The following NBEA variants were observed in gnomAD, a reference collection of about 807,000 sequenced individuals.
The protein encoded by NBEA is neurobeachin.
A neutral mutation model predicts 343.4 loss-of-function variants in NBEA; 44 were observed. The observed-to-expected ratio is 0.13, with a 90% CI of 0.10 to 0.16. The LOEUF (loss-of-function observed/expected upper bound fraction) is 0.16, where lower values mean the gene tolerates loss of function less well. Among genes scored for constraint, NBEA ranks in the 10% least tolerant of loss-of-function variants. The probability of loss-of-function intolerance (pLI) is 1.00; values close to 1 mark genes in which losing one functional copy is unlikely to be tolerated. For synonymous variants in NBEA, 1,175 were observed against 1,238.7 expected, an observed-to-expected ratio of 0.95 and a Z score of 1.08; for missense variants, 2,555 against 3,631.3, an observed-to-expected ratio of 0.70 and a Z score of 7.62.
At chr13:35,228,862 TGA>T (rs2074815400) in intron 33 of NBEA, among the ~76,000 whole-genome samples, 1 of 152,100 alleles carries the variant, frequency 6.6e-6, no homozygotes, top group Admixed American at 6.6e-5. Flanking sequence ...AAACCACACT[TGA>T]TAAAGTCTGT....
chr13:35,566,897 T>G lies in NBEA; in HGVS notation c.6923-8T>G. The G allele has an allele frequency of 6.6e-7, 1 of 1,507,112 alleles. No individual in the cohort carries two copies. The highest frequency in any genetic ancestry group is 9.1e-7 in the Non-Finnish European group (1 of 1,100,210). 93.4% of individuals were successfully genotyped at this position (1,507,112 alleles called of 1,614,324 possible). ...GTACAAATTTTTATTTCTGTTTTTC[T>G]TTACTAGGACGGACATATAATGATC... On this transcript the variant is annotated splice_polypyrimidine_tract_variant and splice_region_variant and intron_variant, in intron 44 of 58. Transcript: ENST00000379939.
chr13:34,970,779 T>C (rs2059973070), intron 1 of NBEA, among the ~76,000 whole-genome samples: 2 of 152,088 alleles, frequency 1.3e-5, no homozygotes. Context: ...TTAATGTAGC[T>C]CTGTATTATA....
intron 38 of NBEA, among the ~76,000 whole-genome samples, chr13:35,370,720 A>G (rs534261985): frequency 2.0e-5 from 3 of 152,106 alleles, no homozygotes; most frequent in South Asian, 4.1e-4. Context: ...AGTGGATTTT[A>G]TACTTTCAGG....
chr13:35,118,873 C>T (rs615554), intron 16 of NBEA, among the ~76,000 whole-genome samples: 145,473 of 151,284 alleles, frequency 0.96, 70,194 homozygotes, highest in East Asian at 1. Context: ...TGGTTTTTTT[C>T]TTTCAGCTGG....
At chr13:35,166,787 A>G (rs1200520419) in intron 24 of NBEA, among the ~76,000 whole-genome samples, 1 of 152,076 alleles carries the variant, frequency 6.6e-6, no homozygotes, top group Non-Finnish European at 1.5e-5. Context: ...GCAGAGGGAA[A>G]AAGTTGGGAA....
At chr13:35,534,641 T>C (rs1180558562) in intron 41 of NBEA, among the ~76,000 whole-genome samples, 2 of 152,194 alleles carry the variant, frequency 1.3e-5, no homozygotes, top group Non-Finnish European at 2.9e-5. Context: ...ATAAGAACTT[T>C]ACATACCGTA....
At chr13:34,955,702 T>G (rs1345003906) in intron 1 of NBEA, among the ~76,000 whole-genome samples, 1 of 152,230 alleles carries the variant, frequency 6.6e-6, no homozygotes, top group Admixed American at 6.5e-5. Flanking sequence ...AGAAATCATT[T>G]TTTTTTAAAA....
intron 34 of NBEA, among the ~76,000 whole-genome samples, chr13:35,239,222 G>A (rs2075373612): frequency 1.3e-5 from 2 of 152,170 alleles, no homozygotes; most frequent in South Asian, 4.2e-4. Flanking sequence ...AAAACTAGGT[G>A]ACAGGTATCT....
rs1594422102 is a variant in NBEA at position 35,381,593 on chromosome 13, G to A, written c.6179+29270G>A. ...TTTAAAATAAAGTATGAGAGCAATA[G>A]TAGTTGAAGATAAGACTGCAACTCT... On this transcript the variant is annotated intron_variant, in intron 38 of 58. Transcript: ENST00000379939. Among the ~76,000 whole-genome samples the A allele has an allele frequency of 4.6e-5, 7 of 152,066 alleles. No homozygotes were observed. In the South Asian group the frequency reaches 1.2e-3, roughly 27 times the overall value.
chr13:35,193,406 A>C (rs940367897), intron 30 of NBEA, among the ~76,000 whole-genome samples: 1 of 151,908 alleles, frequency 6.6e-6, no homozygotes, highest in Non-Finnish European at 1.5e-5. Flanking sequence ...TGTAGACTAA[A>C]AGTGATTCAA....
At chr13:35,096,730 TA>T (rs1388581540) in intron 10 of NBEA, among the ~76,000 whole-genome samples, 1 of 151,902 alleles carries the variant, frequency 6.6e-6, no homozygotes, top group Non-Finnish European at 1.5e-5. Flanking sequence ...TTATTCTTTT[TA>T]AATATCTAGG....
chr13:35,229,556 C>T (rs974295380), intron 33 of NBEA, among the ~76,000 whole-genome samples: 1 of 152,048 alleles, frequency 6.6e-6, no homozygotes, highest in Non-Finnish European at 1.5e-5. Flanking sequence ...GGGCTTTTCT[C>T]ACATTAACAT....
At chr13:35,004,170 A>G (rs1302327809) in intron 1 of NBEA, among the ~76,000 whole-genome samples, 1 of 152,088 alleles carries the variant, frequency 6.6e-6, no homozygotes, top group Non-Finnish European at 1.5e-5. Flanking sequence ...TTCTTTATCC[A>G]GTATATTATT....
intron 36 of NBEA, among the ~76,000 whole-genome samples, chr13:35,312,295 A>T (rs139108112): frequency 3.3e-4 from 50 of 152,290 alleles, no homozygotes; most frequent in African/African-American, 1.1e-3. Flanking sequence ...TCAAAAGAGT[A>T]CTTACCCAAA....
chr13:35,024,277 T>C (rs2061942805), intron 1 of NBEA, among the ~76,000 whole-genome samples: 1 of 152,176 alleles, frequency 6.6e-6, no homozygotes, highest in African/African-American at 2.4e-5. Flanking sequence ...CCTTTGCTAT[T>C]GTGAATAGTG....
In NBEA at chr13:35,533,102, G is replaced by A. The variant is rs190988856; in HGVS notation, c.6586-17375G>A. Among the ~76,000 whole-genome samples, 4 of 152,136 alleles carry A rather than the reference G, an allele frequency of 2.6e-5. No individual in the cohort carries two copies. In the East Asian group the frequency reaches 5.8e-4, roughly 22 times the overall value. On this transcript the variant is annotated intron_variant, in intron 41 of 58. Coordinates refer to ENST00000379939, the MANE Select transcript of NBEA (RefSeq NM_001385012.1). The stretch of plus-strand genomic sequence containing the variant: ...TCTTGATATGTTTTATTATTTGTGC[G>A]CCCACTAGCAATGTAGTGAGAACTT...
chr13:35,666,410 TAAAA>T (rs75335884), intron 56 of NBEA, among the ~76,000 whole-genome samples: 5 of 125,596 alleles, frequency 4.0e-5, no homozygotes, highest in Admixed American at 1.7e-4. Flanking sequence ...CCTGTGAAGT[TAAAA>T]AAAAAAAAAA....
intron 38 of NBEA, among the ~76,000 whole-genome samples, chr13:35,424,633 G>A (rs1010907315): frequency 1.3e-5 from 2 of 152,164 alleles, no homozygotes; most frequent in African/African-American, 4.8e-5. Flanking sequence ...GTCTCTGCCA[G>A]GCTTTGGTAT....
chr13:35,249,270 C>T (rs1237110556), intron 34 of NBEA, among the ~76,000 whole-genome samples: 1 of 150,772 alleles, frequency 6.6e-6, no homozygotes, highest in East Asian at 2.0e-4. Flanking sequence ...TATTGGACTA[C>T]ATCAAAATTT....
Sources: gnomAD v4.1 joint callset for allele counts (sites outside exome capture counted in the v4.1 genomes callset) on GRCh38, gnomAD v4.1.1 for gene constraint, MANE v1.5 for transcripts, NCBI Gene and HGNC (gene_info 2026-07-23, HGNC 2026-07-21) for gene names.